SYT12: variants seen among roughly 807,000 people sequenced by gnomAD.
SYT12 encodes the protein synaptotagmin-12.
Under a neutral mutation model 39.5 loss-of-function variants are expected in SYT12, and 27 were observed. The ratio of observed to expected loss-of-function variants is 0.68; its 90% confidence interval spans 0.50 to 0.94. The LOEUF is 0.94. Ranked by LOEUF, SYT12 falls within the 40% of genes least tolerant of loss-of-function variation. The pLI, the probability that SYT12 is intolerant of heterozygous loss-of-function variation, is 0.00. For missense variants in SYT12, 536 were observed against 572.6 expected, an observed-to-expected ratio of 0.94 and a Z score of 0.65; for synonymous variants, 233 against 239.7, an observed-to-expected ratio of 0.97 and a Z score of 0.26.
At chr11:67,020,039 G>C (rs1434759210), upstream of SYT12, among the ~76,000 whole-genome samples, 1 of 152,118 alleles carries the variant, frequency 6.6e-6, no homozygotes, top group Non-Finnish European at 1.5e-5. Flanking sequence ...GTGATGCTCA[G>C]ATGGAGCATC....
chr11:67,014,874 A>C (rs961134984), intron 3 of SYT12, among the ~76,000 whole-genome samples: 1 of 151,824 alleles, frequency 6.6e-6, no homozygotes, highest in African/African-American at 2.4e-5. Context: ...CGCTCCCTGG[A>C]GGCTGGTGGC....
chr11:67,034,019 T>C (rs571040607), intron 2 of SYT12, among the ~76,000 whole-genome samples: 2 of 152,342 alleles, frequency 1.3e-5, no homozygotes, highest in East Asian at 3.9e-4. Flanking sequence ...CACCTCTCAC[T>C]TGTGGCTGAG....
upstream of SYT12, among the ~76,000 whole-genome samples, chr11:67,021,332 T>C (rs995923354): frequency 6.6e-6 from 1 of 151,996 alleles, no homozygotes; most frequent in Non-Finnish European, 1.5e-5. Flanking sequence ...GCTTTTTTTT[T>C]TTGTTTGTTT....
intron 3 of SYT12, among the ~76,000 whole-genome samples, chr11:67,039,039 C>T (rs1041178551): frequency 1.3e-5 from 2 of 151,786 alleles, no homozygotes; most frequent in Non-Finnish European, 1.5e-5. Flanking sequence ...AGTGGTGGCT[C>T]GCACCTGTAA....
In SYT12 at chr11:67,034,726, T is replaced by C; in HGVS notation, c.116T>C (p.Leu39Pro). 1.2e-6 allele frequency: 2 copies of C among 1,602,524 alleles called. No individual in the cohort carries two copies. The highest frequency in any genetic ancestry group is 1.7e-6 in the Non-Finnish European group (2 of 1,175,622). Residue 39 changes from leucine to proline, a missense_variant, in exon 3 of 8, where the codon CTG (leucine) becomes CCG (proline). Coordinates refer to ENST00000527043, the MANE Select transcript of SYT12 (RefSeq NM_177963.4). ...LALLGIAAVSLWKLWTSGSFP... is the reference protein window; with the variant it reads ...LALLGIAAVSPWKLWTSGSFP... The stretch of plus-strand genomic sequence containing the variant: ...CTGCTGGGAATCGCAGCTGTGAGCC[T>C]GTGGAAGCTCTGGACGTCGGGGAGC...
chr11:67,022,652 C>A (rs925551516), upstream of SYT12: 1 of 152,228 alleles, frequency 6.6e-6, no homozygotes, highest in Non-Finnish European at 1.5e-5. Flanking sequence ...TCACACAGAC[C>A]TGGGTTCAAT....
At chr11:67,024,924 C>A (rs1055013749) in intron 1 of SYT12, among the ~76,000 whole-genome samples, 2 of 152,174 alleles carry the variant, frequency 1.3e-5, no homozygotes, top group Admixed American at 1.3e-4. Flanking sequence ...CCCCTCTCCC[C>A]CGCCGAGGCA....
upstream of SYT12, among the ~76,000 whole-genome samples, chr11:67,019,083 G>C (rs1027628553): frequency 6.6e-6 from 1 of 152,204 alleles, no homozygotes; most frequent in Non-Finnish European, 1.5e-5. Context: ...TCATGACTGG[G>C]GAGGCTTCAC....
intron 3 of SYT12, among the ~76,000 whole-genome samples, chr11:67,012,109 A>G (rs113516978): frequency 0.037 from 5,565 of 148,442 alleles, 322 homozygotes; most frequent in African/African-American, 0.13. Context: ...GGTGGCTCAC[A>G]CCTGTAAGCC....
chr11:67,013,747 A>G (rs1950032227), intron 3 of SYT12, among the ~76,000 whole-genome samples: 1 of 152,224 alleles, frequency 6.6e-6, no homozygotes, highest in South Asian at 2.1e-4. Flanking sequence ...CGCCCTTAGC[A>G]CAGGCTGGGG....
In SYT12 at chr11:67,045,758, G is replaced by A; in HGVS notation, c.973G>A (p.Val325Met). 1 of 1,613,940 alleles carries A rather than the reference G, an allele frequency of 6.2e-7. No individual in the cohort carries two copies. The highest frequency in any genetic ancestry group is 8.5e-7 in the Non-Finnish European group (1 of 1,179,964). The change falls in exon 7 of 8, where the codon GTG becomes ATG. Residue 325 changes from valine (V) to methionine (M), a missense_variant. Transcript: ENST00000527043. ...CCTGCCCACAGACCCCTTCGTCAAG[G>A]TGTACCTGCTGCAGGATGGGAGGAA... ...DKTTADPFVK[V>M]YLLQDGRKMS... is the part of the protein sequence containing the mutation.
At chr11:67,019,135 G>GGC (rs1950083913), upstream of SYT12, among the ~76,000 whole-genome samples, 1 of 7,060 alleles carries the variant, frequency 1.4e-4, no homozygotes, top group East Asian at 0.062. Flanking sequence ...CATGGTGGCA[G>GGC]ACGAGAGAAA....
intron 3 of SYT12, among the ~76,000 whole-genome samples, chr11:67,017,582 G>A (rs1390933959): frequency 1.3e-5 from 2 of 149,842 alleles, no homozygotes; most frequent in African/African-American, 4.9e-5. Flanking sequence ...GGCTGGTCTC[G>A]AACTCCTGAC....
chr11:67,012,603 G>A (rs1950021395), intron 3 of SYT12, among the ~76,000 whole-genome samples: 1 of 152,162 alleles, frequency 6.6e-6, no homozygotes, highest in Non-Finnish European at 1.5e-5. Context: ...TAAAATGTAA[G>A]TGCTTATAAA....
chr11:67,017,038 G>A (rs1047093617), intron 3 of SYT12, among the ~76,000 whole-genome samples: 2 of 152,202 alleles, frequency 1.3e-5, no homozygotes, highest in Non-Finnish European at 2.9e-5. Flanking sequence ...GCTCTCATTT[G>A]CTGATGACTT....
chr11:67,016,512 C>A (rs1002377666), intron 3 of SYT12, among the ~76,000 whole-genome samples: 9 of 152,124 alleles, frequency 5.9e-5, no homozygotes, highest in African/African-American at 2.2e-4. Flanking sequence ...CACTTCTCGG[C>A]CAGTTTACAT....
intron 4 of SYT12, 97 bp downstream of exon 4, chr11:67,040,300 G>A (rs1803168813): frequency 1.4e-6 from 2 of 1,460,248 alleles, no homozygotes; most frequent in African/African-American, 2.8e-5. Context: ...TCCCAGAAAG[G>A]CAGTAGAGTG....
chr11:67,012,385 A>G lies in SYT12; in HGVS notation c.-69+1391A>G, dbSNP rs575739950. On this transcript the variant is annotated intron_variant, in intron 3 of 10. Coordinates refer to the SYT12 transcript ENST00000393946. Reference sequence around the variant, plus strand: ...GGCTCCATCTCAAAAAATTTTTAAAAATAATAATAAATAAATAAAAGTCAC... The same window carrying G: ...GGCTCCATCTCAAAAAATTTTTAAAGATAATAATAAATAAATAAAAGTCAC... 2.6e-5 allele frequency among the ~76,000 whole-genome samples: 4 copies of G among 152,014 alleles called. No homozygotes were observed. In the South Asian group the frequency reaches 8.3e-4, roughly 32 times the overall value.
At chr11:67,012,187 A>G (rs1045645308) in intron 3 of SYT12, among the ~76,000 whole-genome samples, 1 of 151,482 alleles carries the variant, frequency 6.6e-6, no homozygotes, top group Non-Finnish European at 1.5e-5. Context: ...CCTGGCCAAC[A>G]TGGCGAAACC....
Sources: allele counts gnomAD v4.1 joint callset (sites outside exome capture counted in the v4.1 genomes callset), GRCh38; gene constraint gnomAD v4.1.1; transcripts MANE v1.5; gene names NCBI Gene and HGNC (gene_info 2026-07-23, HGNC 2026-07-21).